Variants in LAMA1 observed in about 807,000 individuals in gnomAD.
LAMA1 encodes the protein laminin subunit alpha-1.
LAMA1 carries 219 observed loss-of-function variants against 348.7 expected under a neutral mutation model. That is an observed-to-expected ratio of 0.63 (90% CI 0.56 to 0.70). The LOEUF (loss-of-function observed/expected upper bound fraction) is 0.70. Among genes scored for constraint, LAMA1 ranks in the 30% least tolerant of loss-of-function variants. The pLI, the probability that LAMA1 is intolerant of heterozygous loss-of-function variation, is 0.00. For synonymous variants in LAMA1, 1,487 were observed against 1,491.0 expected (o/e 1.00, Z 0.06); for missense variants, 3,744 against 3,888.0 (o/e 0.96, Z 0.99).
intron 1 of LAMA1, among the ~76,000 whole-genome samples, chr18:7,093,859 C>T (rs28627446): frequency 2.6e-5 from 4 of 151,304 alleles, no homozygotes; most frequent in African/African-American, 9.7e-5. Flanking sequence ...CCCGCATCCT[C>T]CGCCTCCCGG....
chr18:6,976,109 T>A, intron 44 of LAMA1, 29 bp from the exon 45 acceptor site: 1 of 1,613,398 alleles, frequency 6.2e-7, no homozygotes, highest in Non-Finnish European at 8.5e-7. Flanking sequence ...AGTGTCCCCA[T>A]CATTTAGTGA....
rs114804028 is a variant in LAMA1, at chr18:6,985,181, A to G, written c.5660+56T>C. 2,701 of 1,594,006 alleles carry G rather than the reference A, an allele frequency of 1.7e-3. 33 individuals carry two copies. In the African/African-American group the frequency reaches 0.031, roughly 19 times the overall value. On this transcript the variant is annotated intron_variant, in intron 39 of 62. Coordinates refer to ENST00000389658, the MANE Select transcript of LAMA1 (RefSeq NM_005559.4). Reference sequence around the variant, plus strand: ...TCACTGTGAATAGAAACATCCATCTATTTCTCCGATCAATAGACTGCAAGC... The same window carrying G: ...TCACTGTGAATAGAAACATCCATCTGTTTCTCCGATCAATAGACTGCAAGC...
chr18:7,100,078 A>AAAAAAAAAAAAC, intron 1 of LAMA1, among the ~76,000 whole-genome samples: 1 of 142,316 alleles, frequency 7.0e-6, no homozygotes, highest in Non-Finnish European at 1.5e-5. Context: ...AAAAAAAAAA[A>AAAAAAAAAAAAC]AAAAGACAAG....
At chr18:7,082,383 GA>G (rs930830788) in intron 1 of LAMA1, among the ~76,000 whole-genome samples, 8 of 150,532 alleles carry the variant, frequency 5.3e-5, no homozygotes, top group African/African-American at 1.7e-4. Context: ...TATAAAATAA[GA>G]AAAAAAAATG....
Position 7,050,934 on chromosome 18 carries a change from G to C in LAMA1, c.348C>G (p.Val116=). The stretch of plus-strand genomic sequence containing the variant: ...TAATGATGACATATGCAACTTGAAA[G>C]ACCTGAAACAAAGACACTGAAAAGT... ...WVTITLDLRQ[V]FQVAYVIIKA... is the part of the protein sequence containing the mutation. Residue 116 remains valine, a splice_region_variant and synonymous_variant, in exon 4 of 63, where the codon GTC becomes GTG. Transcript: ENST00000389658. 8 of 1,614,064 alleles carry C rather than the reference G, an allele frequency of 5.0e-6. No individual in the cohort carries two copies. Among genetic ancestry groups the C allele is most frequent in the Non-Finnish European group, 6.8e-6 (8 of 1,179,998 alleles).
At chr18:7,077,871 C>T (rs1399263008) in intron 3 of LAMA1, among the ~76,000 whole-genome samples, 1 of 151,728 alleles carries the variant, frequency 6.6e-6, no homozygotes, top group East Asian at 2.0e-4. Context: ...GCTCATGCCT[C>T]TAATCCCGGC....
At chr18:7,047,669 T>G (rs1268427302) in intron 5 of LAMA1, among the ~76,000 whole-genome samples, 1 of 152,068 alleles carries the variant, frequency 6.6e-6, no homozygotes, top group African/African-American at 2.4e-5. Flanking sequence ...CAAGAAAGCT[T>G]GTTATTGGCA....
intron 8 of LAMA1, 49 bp from the exon 9 acceptor site, chr18:7,042,299 T>C (rs1432461194): frequency 1.8e-5 from 19 of 1,075,844 alleles, no homozygotes; most frequent in Non-Finnish European, 2.7e-5. Flanking sequence ...ATAACAGCAA[T>C]GTTGGCAATA....
At chr18:6,994,270 C>T (rs890798902) in intron 34 of LAMA1, among the ~76,000 whole-genome samples, 4 of 151,720 alleles carry the variant, frequency 2.6e-5, no homozygotes, top group Non-Finnish European at 4.4e-5. Flanking sequence ...AGGGCTGCTA[C>T]GAGAACTACA....
At chr18:7,053,416 A>C (rs1488427972) in intron 3 of LAMA1, among the ~76,000 whole-genome samples, 1 of 152,250 alleles carries the variant, frequency 6.6e-6, no homozygotes, top group African/African-American at 2.4e-5. Context: ...TAATAGTGGG[A>C]GCAACTGGAG....
intron 29 of LAMA1, among the ~76,000 whole-genome samples, chr18:7,003,924 ACTCATCTCT>A (rs1188760163): frequency 6.6e-6 from 1 of 152,150 alleles, no homozygotes; most frequent in Non-Finnish European, 1.5e-5. Context: ...GACCTCTCAA[ACTCATCTCT>A]CTGTAGAAGT....
At chr18:7,023,603 G>C (rs141958621) in intron 18 of LAMA1, among the ~76,000 whole-genome samples, 111 of 152,174 alleles carry the variant, frequency 7.3e-4, no homozygotes, top group African/African-American at 2.5e-3. Flanking sequence ...ACATGCACCT[G>C]TTTCCAGGGC....
At chr18:6,954,941 GA>G (rs976719034) in intron 57 of LAMA1, 1 of 322,028 alleles carries the variant, frequency 3.1e-6, no homozygotes, top group African/African-American at 2.2e-5. Flanking sequence ...AAGGTGCAGA[GA>G]GGGGTGGGTG....
intron 16 of LAMA1, among the ~76,000 whole-genome samples, chr18:7,031,680 C>CAAATAAATAAATAAATAAATAAAT (rs35755639): frequency 0.065 from 9,510 of 146,512 alleles, 819 homozygotes; most frequent in African/African-American, 0.19. Context: ...GACCCTGTCT[C>CAAATAAATAAATAAATAAATAAAT]AAATAAATAA....
At chr18:7,074,964 A>G (rs2058160905) in intron 3 of LAMA1, among the ~76,000 whole-genome samples, 1 of 123,006 alleles carries the variant, frequency 8.1e-6, no homozygotes, top group Non-Finnish European at 1.7e-5. Context: ...TAATACATAG[A>G]GGCAAAAAAA....
intron 12 of LAMA1, among the ~76,000 whole-genome samples, chr18:7,036,812 CTA>C (rs1317774220): frequency 2.0e-5 from 3 of 152,022 alleles, no homozygotes; most frequent in Non-Finnish European, 4.4e-5. Flanking sequence ...GCGTACCAAG[CTA>C]CAAGACTACA....
chr18:7,054,127 GC>G (rs1204122622), intron 3 of LAMA1, among the ~76,000 whole-genome samples: 5 of 152,080 alleles, frequency 3.3e-5, no homozygotes, highest in African/African-American at 1.2e-4. Flanking sequence ...ACATGCTGGA[GC>G]TGCAGAAAAG....
Position 7,037,644 on chromosome 18 carries a change from G to C in LAMA1, c.1671C>G (p.Thr557=). The C allele has an allele frequency of 1.2e-6, 2 of 1,614,118 alleles. No individual in the cohort carries two copies. The highest frequency in any genetic ancestry group is 1.7e-6 in the Non-Finnish European group (2 of 1,180,034). Residue 557 remains threonine (T), a synonymous_variant, in exon 12 of 63, where the codon ACC becomes ACG. Coordinates refer to ENST00000389658, the MANE Select transcript of LAMA1 (RefSeq NM_005559.4). ...TGGGAGCCAGTCTCTGCATGACCGC[G>C]GTGTTGTTGATGCTGACCTGATGGC... The part of the protein sequence containing the change: ...GGRHQVSINN[T]AVMQRLAPKY...
At chr18:7,098,368 G>A (rs1265560659) in intron 1 of LAMA1, among the ~76,000 whole-genome samples, 11 of 149,698 alleles carry the variant, frequency 7.3e-5, no homozygotes, top group South Asian at 2.1e-4. Context: ...AGTGAGGAGC[G>A]TCTCCGCCCG....
Sources: gnomAD v4.1 joint callset for allele counts (sites outside exome capture counted in the v4.1 genomes callset) on GRCh38, gnomAD v4.1.1 for gene constraint, MANE v1.5 for transcripts, NCBI Gene and HGNC (gene_info 2026-07-23, HGNC 2026-07-21) for gene names.